ABAT: variants seen among roughly 807,000 people sequenced by gnomAD.
The protein encoded by ABAT is 4-aminobutyrate aminotransferase, also known as 4-aminobutyrate aminotransferase, mitochondrial.
A neutral mutation model predicts 64.6 loss-of-function variants in ABAT; 45 were observed. The ratio of observed to expected loss-of-function variants is 0.70; its 90% CI spans 0.55 to 0.89. The LOEUF (loss-of-function observed/expected upper bound fraction) is 0.89, where lower values mean the gene tolerates loss of function less well. Ranked by LOEUF, ABAT falls within the 40% of genes least tolerant of loss-of-function variation. The pLI, the probability that ABAT is intolerant of heterozygous loss-of-function variation, is 0.00. For synonymous variants in ABAT, 297 were observed against 250.5 expected, an observed-to-expected ratio of 1.19 and a Z score of -1.75; for missense variants, 633 against 658.4, an observed-to-expected ratio of 0.96 and a Z score of 0.42.
intron 2 of ABAT, among the ~76,000 whole-genome samples, chr16:8,742,607 G>A (rs2059194376): frequency 6.6e-6 from 1 of 152,198 alleles, no homozygotes; most frequent in Middle Eastern, 3.4e-3. Flanking sequence ...GCTTATGCCT[G>A]TAATCCCAGC....
intron 12 of ABAT, among the ~76,000 whole-genome samples, chr16:8,773,682 T>C (rs753045466): frequency 1.1e-4 from 17 of 152,194 alleles, no homozygotes; most frequent in Non-Finnish European, 2.2e-4. Flanking sequence ...TTTGTATCCA[T>C]TAACCAACCC....
chr16:8,778,209 G>C (rs1021282913), intron 14 of ABAT, among the ~76,000 whole-genome samples: 3 of 152,164 alleles, frequency 2.0e-5, no homozygotes, highest in African/African-American at 7.2e-5. Context: ...CTTGTCTGCT[G>C]TAAAAAATCA....
At chr16:8,769,417 G>C (rs150614359) in intron 11 of ABAT, among the ~76,000 whole-genome samples, 1 of 151,964 alleles carries the variant, frequency 6.6e-6, no homozygotes, top group Non-Finnish European at 1.5e-5. Flanking sequence ...AAATTAGCTG[G>C]GTGTGGTGGC....
chr16:8,772,741 C>A (rs369241583), intron 11 of ABAT, 39 bp from the exon 12 acceptor site: 2 of 1,613,704 alleles, frequency 1.2e-6, no homozygotes, highest in East Asian at 2.2e-5. Context: ...TGGTCACAAG[C>A]CTCTGCCATC....
chr16:8,773,041 C>G, intron 12 of ABAT, 124 bp downstream of exon 12: 1 of 1,337,526 alleles, frequency 7.5e-7, no homozygotes, highest in East Asian at 2.5e-5. Context: ...CAGAGGCTGT[C>G]TGTCAGCATC....
chr16:8,769,250 AAAAT>A (rs1440074248), intron 11 of ABAT, among the ~76,000 whole-genome samples: 1 of 152,214 alleles, frequency 6.6e-6, no homozygotes, highest in Non-Finnish European at 1.5e-5. Context: ...CAATGACTCT[AAAAT>A]AAGAGAAAAC....
intron 1 of ABAT, among the ~76,000 whole-genome samples, chr16:8,732,240 T>C (rs1376883856): frequency 1.4e-5 from 2 of 146,890 alleles, no homozygotes; most frequent in Non-Finnish European, 3.0e-5. Flanking sequence ...ATTTATTTTT[T>C]ATTGATAATT....
intron 1 of ABAT, among the ~76,000 whole-genome samples, chr16:8,691,109 C>T (rs1248260002): frequency 6.6e-6 from 1 of 151,926 alleles, no homozygotes; most frequent in Non-Finnish European, 1.5e-5. Context: ...TTCGTCAAAC[C>T]ACACTTGCCC....
At chr16:8,746,834 A>G (rs2059346903) in intron 3 of ABAT, among the ~76,000 whole-genome samples, 1 of 152,150 alleles carries the variant, frequency 6.6e-6, no homozygotes, top group Non-Finnish European at 1.5e-5. Context: ...GAGCAAGCCA[A>G]TTGCTCGTGC....
At chr16:8,749,622 C>T (rs2059423441) in intron 4 of ABAT, among the ~76,000 whole-genome samples, 1 of 150,992 alleles carries the variant, frequency 6.6e-6, no homozygotes, top group Admixed American at 6.6e-5. Context: ...TTTCGAACTC[C>T]TCACCTCAGG....
intron 1 of ABAT, among the ~76,000 whole-genome samples, chr16:8,702,118 G>C (rs961924025): frequency 6.6e-6 from 1 of 152,174 alleles, no homozygotes; most frequent in Non-Finnish European, 1.5e-5. Flanking sequence ...ATTGGATCAT[G>C]GTTCTGCGGG....
At position 8,781,064 on chromosome 16, in the gene ABAT, G is replaced by C. The variant is rs2060421543; in HGVS notation, c.1382-245G>C. ...AGAGAGGGAGGGAGGAAGGGAAAAA[G>C]GAAGTGTGGAGGGAAGGAAAGGAAG... On this transcript the variant is annotated intron_variant, in intron 15 of 15. Transcript: ENST00000268251. The surrounding 1 kb of genome is among the most constrained non-coding windows in gnomAD (Gnocchi z 4.5). 6.6e-6 allele frequency among the ~76,000 whole-genome samples: 1 copy of C among 152,104 alleles called. No homozygotes were observed.
intron 2 of ABAT, among the ~76,000 whole-genome samples, chr16:8,743,739 T>G (rs1481344991): frequency 6.7e-6 from 1 of 149,094 alleles, no homozygotes; most frequent in Non-Finnish European, 1.5e-5. Flanking sequence ...TTTTTGTTTA[T>G]TATATATATG....
intron 2 of ABAT, among the ~76,000 whole-genome samples, chr16:8,738,067 C>A (rs567069379): frequency 1.7e-4 from 25 of 147,502 alleles, no homozygotes; most frequent in Non-Finnish European, 2.6e-4. Context: ...ACAGCTGTAA[C>A]CCCAGCAATT....
chr16:8,687,774 G>T lies in ABAT; in HGVS notation c.-42+13063G>T, dbSNP rs893698399. Among the ~76,000 whole-genome samples the T allele has an allele frequency of 2.0e-5, 3 of 152,164 alleles. No individual in the cohort carries two copies. The East Asian group carries it at 5.8e-4, about 29-fold the overall frequency. On this transcript the variant is annotated intron_variant, in intron 1 of 15. Coordinates refer to ENST00000268251, the MANE Select transcript of ABAT (RefSeq NM_020686.6). ...TGTGCTGCTGGCTCCCTGAGTGCCC[G>T]GGAGCCAGTGATTTCTGTCCAGGCC... is the stretch of plus-strand genomic sequence containing the variant.
At chr16:8,747,235 G>A (rs944985780) in intron 3 of ABAT, among the ~76,000 whole-genome samples, 4 of 152,094 alleles carry the variant, frequency 2.6e-5, no homozygotes, top group African/African-American at 9.7e-5. Flanking sequence ...CATGGCACAG[G>A]GCTCAGAGAT....
chr16:8,726,815 A>G (rs145899783), intron 1 of ABAT, among the ~76,000 whole-genome samples: 2 of 152,310 alleles, frequency 1.3e-5, no homozygotes, highest in East Asian at 3.9e-4. Context: ...CTAACAATGT[A>G]CAAGGGTTCC....
At chr16:8,729,085 T>G (rs1031205922) in intron 1 of ABAT, among the ~76,000 whole-genome samples, 6 of 151,596 alleles carry the variant, frequency 4.0e-5, no homozygotes, top group Non-Finnish European at 7.4e-5. Flanking sequence ...GGCAGGCAGA[T>G]TACTTGAGCT....
At chr16:8,772,192 C>T (rs959142827) in intron 11 of ABAT, among the ~76,000 whole-genome samples, 7 of 146,830 alleles carry the variant, frequency 4.8e-5, no homozygotes, top group African/African-American at 1.8e-4. Context: ...TCGTGCTAAT[C>T]GTAATAGTAG....
Sources: gnomAD v4.1 joint callset for allele counts (sites outside exome capture counted in the v4.1 genomes callset) on GRCh38, gnomAD v4.1.1 for gene constraint, Gnocchi (gnomAD v3.1) non-coding constraint, MANE v1.5 for transcripts, NCBI Gene and HGNC (gene_info 2026-07-23, HGNC 2026-07-21) for gene names.